The following USP34 variants were observed in gnomAD, a reference collection of about 807,000 sequenced individuals.
The protein encoded by USP34 is ubiquitin carboxyl-terminal hydrolase 34.
A neutral mutation model predicts 460.3 loss-of-function variants in USP34; 70 were observed. That is an observed-to-expected ratio of 0.15 (90% CI 0.13 to 0.19). USP34 has a LOEUF of 0.19. USP34 is among the 10% of genes least tolerant of loss of function. The probability of loss-of-function intolerance (pLI) is 1.00; values close to 1 mark genes in which losing one functional copy is unlikely to be tolerated. For missense variants in USP34, 3,985 were observed against 4,236.2 expected, an observed-to-expected ratio of 0.94 and a Z score of 1.65; for synonymous variants, 1,647 against 1,405.3, an observed-to-expected ratio of 1.17 and a Z score of -3.85.
chr2:61,388,209 C>T (rs555760346), intron 5 of USP34, among the ~76,000 whole-genome samples: 1 of 151,998 alleles, frequency 6.6e-6, no homozygotes, highest in Non-Finnish European at 1.5e-5. Flanking sequence ...CCCCAATGCG[C>T]TCTGGCCTGG....
At chr2:61,304,643 G>T (rs749695021) in intron 27 of USP34, among the ~76,000 whole-genome samples, 1 of 152,306 alleles carries the variant, frequency 6.6e-6, no homozygotes, top group African/African-American at 2.4e-5. Context: ...GCTGTCACTT[G>T]ACACTGAATC....
chr2:61,437,774 A>AAAATAAATAAAT (rs61610795), intron 1 of USP34, among the ~76,000 whole-genome samples: 37,166 of 134,232 alleles, frequency 0.28, 5,519 homozygotes, highest in Middle Eastern at 0.37. Context: ...CTCCGTCTCA[A>AAAATAAATAAAT]AAATAAATAA....
In USP34 at chr2:61,455,233, C is replaced by T. The variant is rs944200785; in HGVS notation, c.43+15417G>A. Among the ~76,000 whole-genome samples the T allele has an allele frequency of 2.0e-5, 3 of 151,768 alleles. No homozygotes were observed. In the South Asian group the frequency reaches 6.2e-4, roughly 32 times the overall value. ...TCCGTCTGTCACCCAACCTGGAGTG[C>T]AGTGGTACGATCTCAGCTCACTGCA... On this transcript the variant is annotated intron_variant, in intron 1 of 79. Coordinates refer to ENST00000398571, the MANE Select transcript of USP34 (RefSeq NM_014709.4).
chr2:61,334,732 T>A lies in USP34; in HGVS notation c.2745-761A>T, dbSNP rs1691366739. Among the ~76,000 whole-genome samples the A allele has an allele frequency of 2.6e-5, 4 of 152,134 alleles. No individual in the cohort carries two copies. The South Asian group carries it at 8.3e-4, about 32-fold the overall frequency. On this transcript the variant is annotated intron_variant, in intron 18 of 79. Coordinates refer to ENST00000398571, the MANE Select transcript of USP34 (RefSeq NM_014709.4). ...AAATAAGACGCCAGGCATTAAGTGG[T>A]TATTGACTGAGTTCAGTGAATAATG...
chr2:61,324,237 A>G (rs1048281079), intron 21 of USP34, among the ~76,000 whole-genome samples: 10 of 152,364 alleles, frequency 6.6e-5, no homozygotes, highest in African/African-American at 2.4e-4. Context: ...TTGTGAGACC[A>G]TCTATAACCA....
Position 61,470,815 on chromosome 2 carries a change from G to C in USP34, c.-123C>G, listed in dbSNP as rs998377003. 1.3e-4 allele frequency: 86 copies of C among 647,472 alleles called. No individual in the cohort carries two copies. In the African/African-American group the frequency reaches 1.6e-3, roughly 12 times the overall value. 40.1% of individuals were successfully genotyped at this position (647,472 alleles called of 1,614,324 possible). A position where few individuals can be genotyped will look rare whatever the true frequency, so the allele number is the denominator to read the frequency against. ...GGCCGGCGGGGCGGGGAGGCGACTA[G>C]GGCGGGCGGCGGCGGGGACGGGGCG... On this transcript the variant is annotated 5_prime_UTR_variant, in exon 1 of 80. Transcript: ENST00000398571.
rs181387252 is a variant in USP34, at chr2:61,217,107, A to C, written c.8048-2413T>G. 4.5e-4 allele frequency among the ~76,000 whole-genome samples: 69 copies of C among 152,258 alleles called. No individual in the cohort carries two copies. In the Middle Eastern group the frequency reaches 0.014, roughly 30 times the overall value. ...ACCTAACCACCTCTTCTTTTCCTAT[A>C]AAAGCTACTTGCTTTTAAATAAAAA... is the stretch of plus-strand genomic sequence containing the variant. On this transcript the variant is annotated intron_variant, in intron 67 of 79. Coordinates refer to ENST00000398571, the MANE Select transcript of USP34 (RefSeq NM_014709.4).
chr2:61,303,429 T>G (rs369756690), intron 27 of USP34, among the ~76,000 whole-genome samples: 26 of 152,186 alleles, frequency 1.7e-4, no homozygotes, highest in African/African-American at 6.3e-4. Context: ...TTCATCATGT[T>G]GCTCACAAAT....
At chr2:61,350,473 C>T (rs1197114718) in intron 11 of USP34, 84 bp from the exon 12 acceptor site, 17 of 1,560,138 alleles carry the variant, frequency 1.1e-5, no homozygotes, top group Non-Finnish European at 1.5e-5. Flanking sequence ...AACTGAAATG[C>T]CAAGACAATA....
At chr2:61,415,518 A>G (rs776713598) in intron 2 of USP34, among the ~76,000 whole-genome samples, 8 of 152,364 alleles carry the variant, frequency 5.3e-5, no homozygotes, top group East Asian at 1.9e-4. Flanking sequence ...CTTATATATC[A>G]TAACTGGAAG....
At chr2:61,296,161 G>T (rs113473724) in intron 30 of USP34, among the ~76,000 whole-genome samples, 9 of 152,194 alleles carry the variant, frequency 5.9e-5, no homozygotes, top group African/African-American at 1.9e-4. Flanking sequence ...GGGAAGGTTG[G>T]GGGAGGAAGG....
intron 6 of USP34, among the ~76,000 whole-genome samples, chr2:61,382,471 A>G (rs902034398): frequency 6.6e-6 from 1 of 152,198 alleles, no homozygotes; most frequent in Non-Finnish European, 1.5e-5. Flanking sequence ...CGTCCATCAG[A>G]TATCACCCTT....
rs1265980651 is a variant in USP34 at position 61,380,361 on chromosome 2, C to G, written c.822G>C (p.Arg274Ser). ...CCTGATCCGAGAGCTTGCATAAATA[C>G]CTGAAATGATTCAGAAATAGAAAAT... ...HIIPFRTYVI[R>S]YLCKLSDQEL... The change falls in exon 7 of 80, where the codon AGG becomes AGC. Residue 274 changes from arginine to serine, a missense_variant and splice_region_variant. Coordinates refer to ENST00000398571, the MANE Select transcript of USP34 (RefSeq NM_014709.4). 2 of 1,594,234 alleles carry G rather than the reference C, an allele frequency of 1.3e-6. No individual in the cohort carries two copies. The highest frequency in any genetic ancestry group is 1.7e-6 in the Non-Finnish European group (2 of 1,170,392).
intron 20 of USP34, among the ~76,000 whole-genome samples, chr2:61,329,591 A>C (rs1408035052): frequency 6.6e-6 from 1 of 152,168 alleles, no homozygotes; most frequent in Non-Finnish European, 1.5e-5. Flanking sequence ...GGAAAGGTTG[A>C]GTTGAGTTCA....
chr2:61,464,903 G>A (rs1043644710), intron 1 of USP34, among the ~76,000 whole-genome samples: 3 of 151,874 alleles, frequency 2.0e-5, no homozygotes, highest in Non-Finnish European at 1.5e-5. Context: ...TTGTAAACTG[G>A]TTCACAAAAG....
At chr2:61,469,725 A>AT (rs1459455465) in intron 1 of USP34, among the ~76,000 whole-genome samples, 2 of 152,230 alleles carry the variant, frequency 1.3e-5, no homozygotes, top group African/African-American at 2.4e-5. Context: ...ATAAGTGAGC[A>AT]TTTTTTCAAC....
intron 75 of USP34, among the ~76,000 whole-genome samples, chr2:61,198,208 C>A (rs1686864119): frequency 6.6e-6 from 1 of 152,186 alleles, no homozygotes. Context: ...TAAAATTCCT[C>A]TACTTTTTTC....
intron 10 of USP34, among the ~76,000 whole-genome samples, chr2:61,357,506 A>G (rs960840702): frequency 2.6e-5 from 4 of 152,228 alleles, no homozygotes; most frequent in Non-Finnish European, 4.4e-5. Flanking sequence ...TTCAACAACT[A>G]AACTTTACAA....
intron 5 of USP34, among the ~76,000 whole-genome samples, chr2:61,392,139 T>C (rs757449416): frequency 6.6e-6 from 1 of 152,068 alleles, no homozygotes; most frequent in Non-Finnish European, 1.5e-5. Flanking sequence ...ACTTCACAGG[T>C]TGGGCAACAG....
Sources: gnomAD v4.1 joint callset for allele counts (sites outside exome capture counted in the v4.1 genomes callset) on GRCh38, gnomAD v4.1.1 for gene constraint, MANE v1.5 for transcripts, NCBI Gene and HGNC (gene_info 2026-07-23, HGNC 2026-07-21) for gene names.